Variants in CDH19 observed in about 807,000 individuals in gnomAD.
CDH19 encodes the protein cadherin-19.
A neutral mutation model predicts 64.2 loss-of-function variants in CDH19; 67 were observed. The ratio of observed to expected loss-of-function variants is 1.04; its 90% CI spans 0.86 to 1.28. The LOEUF (loss-of-function observed/expected upper bound fraction) is 1.28. CDH19 is among the 50% of genes most tolerant of loss of function. CDH19 has a pLI of 0.00. For synonymous variants in CDH19, 346 were observed against 319.3 expected (o/e 1.08, Z -0.89); for missense variants, 1,030 against 929.0 (o/e 1.11, Z -1.41).
intron 1 of CDH19, among the ~76,000 whole-genome samples, chr18:66,602,522 CAAAA>C (rs1352313382): frequency 6.6e-6 from 1 of 151,608 alleles, no homozygotes; most frequent in Non-Finnish European, 1.5e-5. Context: ...CAAAACAAAA[CAAAA>C]AATATAAGTA....
At chr18:66,581,277 A>T (rs1988413991) in intron 1 of CDH19, among the ~76,000 whole-genome samples, 1 of 152,184 alleles carries the variant, frequency 6.6e-6, no homozygotes, top group African/African-American at 2.4e-5. Context: ...TAAACTAATT[A>T]TAATCATATT....
At chr18:66,546,334 A>G (rs1490825129) in intron 5 of CDH19, among the ~76,000 whole-genome samples, 4 of 152,178 alleles carry the variant, frequency 2.6e-5, no homozygotes, top group Non-Finnish European at 5.9e-5. Context: ...GAAAAATTAA[A>G]AGAATTGTTT....
Position 66,504,671 on chromosome 18 carries a change from G to A in CDH19, c.*141C>T, listed in dbSNP as rs1985092923. On this transcript the variant is annotated 3_prime_UTR_variant, in exon 12 of 12. Coordinates refer to ENST00000262150, the MANE Select transcript of CDH19 (RefSeq NM_021153.4). ...CATGTAGGTAGCTTAAAATAACCAT[G>A]GAGTATTTACTCCAGGGAAATCAGA... The A allele has an allele frequency of 1.3e-6, 1 of 741,922 alleles. No homozygotes were observed. The highest frequency in any genetic ancestry group is 2.8e-5 in the Admixed American group (1 of 35,238). 46.0% of individuals were successfully genotyped at this position (741,922 alleles called of 1,614,324 possible).
chr18:66,545,132 C>T (rs747584053), intron 5 of CDH19, among the ~76,000 whole-genome samples: 3 of 151,934 alleles, frequency 2.0e-5, no homozygotes, highest in African/African-American at 7.2e-5. Context: ...GCGCCCACCA[C>T]CACGCCCGGC....
chr18:66,582,150 C>A (rs1198657415), intron 1 of CDH19, among the ~76,000 whole-genome samples: 11 of 151,990 alleles, frequency 7.2e-5, no homozygotes, highest in Admixed American at 7.2e-4. Flanking sequence ...AACGTTTGGA[C>A]CATTCTTCAA....
intron 11 of CDH19, among the ~76,000 whole-genome samples, chr18:66,506,338 C>A (rs968692412): frequency 3.3e-5 from 5 of 151,838 alleles, no homozygotes; most frequent in Non-Finnish European, 7.4e-5. Flanking sequence ...CAAAGAAAGG[C>A]TACATGTTTT....
At chr18:66,576,210 T>C (rs1231918015) in intron 1 of CDH19, among the ~76,000 whole-genome samples, 2 of 151,576 alleles carry the variant, frequency 1.3e-5, no homozygotes, top group Non-Finnish European at 3.0e-5. Flanking sequence ...ATAATCACTC[T>C]AAATATTAAT....
intron 9 of CDH19, among the ~76,000 whole-genome samples, chr18:66,527,676 C>T (rs1986276391): frequency 6.6e-6 from 1 of 151,976 alleles, no homozygotes; most frequent in South Asian, 2.1e-4. Context: ...ATCGCTTGAA[C>T]CCGAGACAGG....
chr18:66,584,869 A>G (rs991313101), intron 1 of CDH19, among the ~76,000 whole-genome samples: 1 of 152,104 alleles, frequency 6.6e-6, no homozygotes, highest in African/African-American at 2.4e-5. Flanking sequence ...GAAAAATAAA[A>G]CACTGTTTTA....
intron 1 of CDH19, among the ~76,000 whole-genome samples, chr18:66,601,295 T>C (rs939595873): frequency 1.3e-5 from 2 of 152,018 alleles, no homozygotes; most frequent in African/African-American, 4.8e-5. Context: ...CTGTGATGTA[T>C]TTATGATTTG....
intron 3 of CDH19, among the ~76,000 whole-genome samples, chr18:66,565,555 G>T (rs530272445): frequency 6.6e-6 from 1 of 151,936 alleles, no homozygotes; most frequent in Admixed American, 6.6e-5. Flanking sequence ...AACTTAAATG[G>T]CCGTGGATAT....
intron 1 of CDH19, among the ~76,000 whole-genome samples, chr18:66,595,374 A>G (rs1988856872): frequency 6.6e-6 from 1 of 151,858 alleles, no homozygotes; most frequent in South Asian, 2.1e-4. Context: ...AAACACACAT[A>G]ACATCAACAA....
chr18:66,541,477 A>G (rs542768341), intron 7 of CDH19, among the ~76,000 whole-genome samples: 77 of 152,286 alleles, frequency 5.1e-4, no homozygotes, highest in African/African-American at 1.9e-3. Context: ...GCTTACAAAG[A>G]AAAAAGAGAT....
intron 9 of CDH19, among the ~76,000 whole-genome samples, chr18:66,520,175 ACT>A (rs1985918280): frequency 1.3e-5 from 2 of 152,046 alleles, no homozygotes; most frequent in East Asian, 1.9e-4. Flanking sequence ...ACACAGCCAG[ACT>A]CTGTCTCAAA....
intron 1 of CDH19, among the ~76,000 whole-genome samples, chr18:66,574,097 C>G (rs1988192762): frequency 6.6e-6 from 1 of 151,638 alleles, no homozygotes; most frequent in African/African-American, 2.4e-5. Flanking sequence ...TTTCTCAATT[C>G]TCATTTGGTC....
chr18:66,601,409 C>A (rs1989034896), intron 1 of CDH19, among the ~76,000 whole-genome samples: 1 of 151,848 alleles, frequency 6.6e-6, no homozygotes, highest in East Asian at 1.9e-4. Flanking sequence ...CACTTTAATA[C>A]AGTATCTTGC....
chr18:66,575,787 G>A (rs899851862), intron 1 of CDH19, among the ~76,000 whole-genome samples: 3 of 151,776 alleles, frequency 2.0e-5, no homozygotes, highest in African/African-American at 7.3e-5. Flanking sequence ...GAAATGGAAG[G>A]TATATCAGTA....
intron 1 of CDH19, among the ~76,000 whole-genome samples, chr18:66,595,016 A>C (rs560126165): frequency 7.3e-6 from 1 of 136,830 alleles, no homozygotes; most frequent in South Asian, 2.3e-4. Flanking sequence ...AATAATAAAT[A>C]AAATTAAATT....
chr18:66,589,261 T>TAC (rs1445391326), intron 1 of CDH19, among the ~76,000 whole-genome samples: 4 of 149,732 alleles, frequency 2.7e-5, no homozygotes, highest in East Asian at 2.0e-4. Flanking sequence ...CATATATATA[T>TAC]ATACACACAT....
Sources: allele counts gnomAD v4.1 joint callset (sites outside exome capture counted in the v4.1 genomes callset), GRCh38; gene constraint gnomAD v4.1.1; transcripts MANE v1.5; gene names NCBI Gene and HGNC (gene_info 2026-07-23, HGNC 2026-07-21).